PRP4K: variants seen among roughly 807,000 people sequenced by gnomAD.
The protein encoded by PRP4K is serine/threonine-protein kinase PRP4 homolog.
the PRP4K span, among the ~76,000 whole-genome samples, chr6:4,036,879 G>C: frequency 1.3e-5 from 2 of 151,612 alleles, no homozygotes; most frequent in African/African-American, 2.4e-5. Context: ...CAGCTGCTCA[G>C]GGGGGCTGAA....
chr6:4,059,907 A>G, the PRP4K span, among the ~76,000 whole-genome samples: 4,870 of 152,294 alleles, frequency 0.032, 261 homozygotes, highest in African/African-American at 0.11. Flanking sequence ...GGGCTTCCAA[A>G]GTGCTGGGAT....
At chr6:4,057,237 A>C in the PRP4K span, 24 of 1,568,152 alleles carry the variant, frequency 1.5e-5, no homozygotes, top group South Asian at 2.6e-4. Context: ...TTATTAACTG[A>C]CAAGACTGCT....
chr6:4,063,285 C>T, the PRP4K span: 2 of 151,908 alleles, frequency 1.3e-5, no homozygotes, highest in Non-Finnish European at 1.5e-5. Context: ...TACTTCCTGC[C>T]TCTCCCCTCC....
At chr6:4,030,294 G>GT in the PRP4K span, among the ~76,000 whole-genome samples, 1 of 152,028 alleles carries the variant, frequency 6.6e-6, no homozygotes, top group Admixed American at 6.6e-5. Context: ...TGGTTGGTGA[G>GT]TTTTTTTTAA....
At chr6:4,032,122 A>T in the PRP4K span, 2 of 1,613,080 alleles carry the variant, frequency 1.2e-6, no homozygotes, top group East Asian at 2.2e-5. Flanking sequence ...AAGAAAAGTA[A>T]GGGGGGTATT....
the PRP4K span, among the ~76,000 whole-genome samples, chr6:4,039,140 CTT>C: frequency 6.6e-6 from 1 of 152,242 alleles, no homozygotes; most frequent in East Asian, 1.9e-4. Flanking sequence ...CATTTGAAGA[CTT>C]TTCTCACACA....
chr6:4,021,880 G>A, the PRP4K span, among the ~76,000 whole-genome samples: 2 of 152,206 alleles, frequency 1.3e-5, no homozygotes, highest in Non-Finnish European at 2.9e-5. Flanking sequence ...CAAGCCCTAA[G>A]TCTTTTCTTC....
At chr6:4,021,556 C>T in the PRP4K span, 2 of 1,516,646 alleles carry the variant, frequency 1.3e-6, no homozygotes, top group South Asian at 1.2e-5. Context: ...TCGGGCCTAA[C>T]GGCGAGAGTC....
chr6:4,027,117 T>C, the PRP4K span, among the ~76,000 whole-genome samples: 1 of 152,292 alleles, frequency 6.6e-6, no homozygotes, highest in South Asian at 2.1e-4. Flanking sequence ...CAATAAAATT[T>C]CACAAAGAGT....
At chr6:4,054,522 T>G in the PRP4K span, among the ~76,000 whole-genome samples, 1 of 152,164 alleles carries the variant, frequency 6.6e-6, no homozygotes, top group African/African-American at 2.4e-5. Context: ...TCAGTTTTTT[T>G]TATGAGACAC....
the PRP4K span, among the ~76,000 whole-genome samples, chr6:4,051,612 T>C: frequency 6.6e-6 from 1 of 152,228 alleles, no homozygotes; most frequent in Non-Finnish European, 1.5e-5. Context: ...CTACCGCGCC[T>C]GGCCTGTTTT....
At chr6:4,034,782 G>A in the PRP4K span, among the ~76,000 whole-genome samples, 6 of 151,096 alleles carry the variant, frequency 4.0e-5, no homozygotes, top group South Asian at 2.1e-4. Context: ...GCGTGGTCTC[G>A]GCTCACTGCA....
At chr6:4,042,303 AG>A in the PRP4K span, among the ~76,000 whole-genome samples, 2 of 152,216 alleles carry the variant, frequency 1.3e-5, no homozygotes, top group Non-Finnish European at 2.9e-5. Context: ...ACTGAGACAA[AG>A]GTTAGGTTAC....
the PRP4K span, chr6:4,032,516 T>A: frequency 6.2e-7 from 1 of 1,613,856 alleles, no homozygotes; most frequent in Non-Finnish European, 8.5e-7. Context: ...CTAAAGATGC[T>A]TCATCTGGGA....
At chr6:4,029,360 T>C in the PRP4K span, among the ~76,000 whole-genome samples, 1 of 109,212 alleles carries the variant, frequency 9.2e-6, no homozygotes, top group Non-Finnish European at 1.9e-5. Flanking sequence ...TTTTTTTTTT[T>C]AAAGACAGGG....
chr6:4,050,435 C>T, the PRP4K span: 1 of 408,844 alleles, frequency 2.4e-6, no homozygotes, highest in Non-Finnish European at 4.3e-6. Context: ...CTACTGTATG[C>T]ACCAATAACA....
the PRP4K span, among the ~76,000 whole-genome samples, chr6:4,040,268 C>A: frequency 6.6e-6 from 1 of 151,630 alleles, no homozygotes; most frequent in Non-Finnish European, 1.5e-5. Flanking sequence ...ATATAACTTA[C>A]ATAAAGTAAA....
chr6:4,032,675 G>A, the PRP4K span: 22 of 1,613,406 alleles, frequency 1.4e-5, no homozygotes, highest in South Asian at 1.8e-4. Flanking sequence ...CGCGGACACT[G>A]TCTCCTGGGA....
chr6:4,042,125 A>G, the PRP4K span, among the ~76,000 whole-genome samples: 1 of 152,240 alleles, frequency 6.6e-6, no homozygotes, highest in Non-Finnish European at 1.5e-5. Context: ...CAGAAAAGGT[A>G]GCAATTTACT....
Sources: gnomAD v4.1 joint callset for allele counts (sites outside exome capture counted in the v4.1 genomes callset) on GRCh38, gnomAD v4.1.1 for gene constraint, MANE v1.5 for transcripts, NCBI Gene and HGNC (gene_info 2026-07-23, HGNC 2026-07-21) for gene names.